ACVR2A: variants seen among roughly 807,000 people sequenced by gnomAD.
The protein encoded by ACVR2A is activin receptor type-2A.
A neutral mutation model predicts 61.4 loss-of-function variants in ACVR2A; 7 were observed. The ratio of observed to expected loss-of-function variants is 0.11; its 90% CI spans 0.06 to 0.21. The LOEUF is 0.21. ACVR2A is among the 10% of genes least tolerant of loss of function. The probability of loss-of-function intolerance (pLI) is 1.00; values close to 1 mark genes in which losing one functional copy is unlikely to be tolerated. For missense variants in ACVR2A, 322 were observed against 621.7 expected (o/e 0.52, Z 5.13); for synonymous variants, 193 against 208.3 (o/e 0.93, Z 0.63).
intron 4 of ACVR2A, among the ~76,000 whole-genome samples, chr2:147,912,941 T>G (rs1267783758): frequency 6.6e-6 from 1 of 151,902 alleles, no homozygotes; most frequent in African/African-American, 2.4e-5. Flanking sequence ...ATATTTGTTC[T>G]GGCTGTTACT....
chr2:147,919,489 T>C (rs906750798), intron 7 of ACVR2A, among the ~76,000 whole-genome samples: 1 of 152,182 alleles, frequency 6.6e-6, no homozygotes, highest in African/African-American at 2.4e-5. Flanking sequence ...TTTTATAGCA[T>C]TTGGGAGTGT....
At chr2:147,864,836 G>T (rs1008073800) in intron 1 of ACVR2A, among the ~76,000 whole-genome samples, 1 of 152,108 alleles carries the variant, frequency 6.6e-6, no homozygotes, top group African/African-American at 2.4e-5. Context: ...TCGTCTCATT[G>T]TGCCAGGTAC....
At chr2:147,903,117 C>G (rs1286068001) in intron 4 of ACVR2A, among the ~76,000 whole-genome samples, 1 of 151,798 alleles carries the variant, frequency 6.6e-6, no homozygotes, top group Non-Finnish European at 1.5e-5. Context: ...GTATTTTGTT[C>G]TGAAGAAGTG....
chr2:147,871,679 A>G (rs974274062), intron 1 of ACVR2A, among the ~76,000 whole-genome samples: 1 of 152,130 alleles, frequency 6.6e-6, no homozygotes, highest in African/African-American at 2.4e-5. Context: ...GGAATTGAGC[A>G]GATATATATT....
chr2:147,916,433 A>ATGAG (rs1687251025), intron 5 of ACVR2A, among the ~76,000 whole-genome samples: 3 of 151,928 alleles, frequency 2.0e-5, no homozygotes, highest in African/African-American at 7.2e-5. Context: ...TTTTACATAT[A>ATGAG]TGAGTACTCA....
chr2:147,883,227 G>C (rs1158193655), intron 1 of ACVR2A, among the ~76,000 whole-genome samples: 1 of 152,164 alleles, frequency 6.6e-6, no homozygotes, highest in Non-Finnish European at 1.5e-5. Context: ...TTTTGCTCTT[G>C]TTGCCCAGGC....
At chr2:147,865,167 G>T (rs1685822434) in intron 1 of ACVR2A, among the ~76,000 whole-genome samples, 1 of 152,122 alleles carries the variant, frequency 6.6e-6, no homozygotes, top group African/African-American at 2.4e-5. Flanking sequence ...AGGGATTGTG[G>T]CCCTCGTGTT....
intron 1 of ACVR2A, among the ~76,000 whole-genome samples, chr2:147,852,605 C>T (rs1001370395): frequency 2.6e-5 from 4 of 152,068 alleles, no homozygotes; most frequent in Admixed American, 6.5e-5. Flanking sequence ...TGGCTCTTCC[C>T]TGATTAAGGT....
Position 147,929,264 on chromosome 2 carries a change from C to G in ACVR2A, c.*1990C>G, listed in dbSNP as rs930798896. 1.3e-5 allele frequency: 2 copies of G among 151,864 alleles called. No homozygotes were observed. Among genetic ancestry groups the G allele is most frequent in the Non-Finnish European group, 2.9e-5 (2 of 67,914 alleles). The allele number at this position is 151,864 out of a possible 1,614,324, so 9.4% of individuals were successfully genotyped here. A position where few individuals can be genotyped will look rare whatever the true frequency, so the allele number is the denominator to read the frequency against. On this transcript the variant is annotated 3_prime_UTR_variant, in exon 11 of 11. Coordinates refer to ENST00000241416, the MANE Select transcript of ACVR2A (RefSeq NM_001616.5). ...CAATTTCTTGATCTGGTTTTGCTTC[C>G]ATTTAAAAACTAATCAAGAAGGGAA...
intron 4 of ACVR2A, among the ~76,000 whole-genome samples, chr2:147,907,309 ATGTGTC>A (rs1687010895): frequency 6.6e-6 from 1 of 152,110 alleles, no homozygotes; most frequent in African/African-American, 2.4e-5. Flanking sequence ...ATACGTGTGC[ATGTGTC>A]TTTATAATAG....
At chr2:147,879,039 A>G (rs1261352590) in intron 1 of ACVR2A, among the ~76,000 whole-genome samples, 1 of 152,228 alleles carries the variant, frequency 6.6e-6, no homozygotes, top group African/African-American at 2.4e-5. Flanking sequence ...ACCATATGGT[A>G]AATGTATGTT....
At chr2:147,921,064 C>T (rs908011344) in intron 8 of ACVR2A, among the ~76,000 whole-genome samples, 18 of 152,054 alleles carry the variant, frequency 1.2e-4, no homozygotes, top group East Asian at 3.9e-4. Flanking sequence ...GACAGAGTCT[C>T]GCTCTGTCAC....
rs528881915 is a variant in ACVR2A, at chr2:147,894,494, G to A, written c.56-1807G>A. Among the ~76,000 whole-genome samples the A allele has an allele frequency of 1.1e-4, 16 of 151,964 alleles. No individual in the cohort carries two copies. The South Asian group carries it at 3.3e-3, about 32-fold the overall frequency. On this transcript the variant is annotated intron_variant, in intron 1 of 10. Coordinates refer to ENST00000241416, the MANE Select transcript of ACVR2A (RefSeq NM_001616.5). The stretch of plus-strand genomic sequence containing the variant: ...TTGAGTGGATTTTTTTTTAACCCAT[G>A]AATACTTTTGTAATATCACAATTCA...
At chr2:147,925,124 G>A (rs1687472018) in intron 9 of ACVR2A, among the ~76,000 whole-genome samples, 1 of 151,980 alleles carries the variant, frequency 6.6e-6, no homozygotes, top group Non-Finnish European at 1.5e-5. Context: ...ACCTGTGTCT[G>A]TCAAAGGAAG....
intron 1 of ACVR2A, among the ~76,000 whole-genome samples, chr2:147,889,492 C>T (rs1264463571): frequency 6.6e-6 from 1 of 152,106 alleles, no homozygotes; most frequent in Non-Finnish European, 1.5e-5. Flanking sequence ...CGCCTGTAAT[C>T]CCAGCACTTT....
In ACVR2A at chr2:147,923,086, G is replaced by T. The variant is rs766707822; in HGVS notation, c.1191G>T (p.Leu397=). The T allele has an allele frequency of 6.2e-7, 1 of 1,612,556 alleles. No homozygotes were observed. Among genetic ancestry groups the T allele is most frequent in the South Asian group, 1.1e-5 (1 of 90,838 alleles). The change falls in exon 9 of 11, where the codon CTG becomes CTT. Residue 397 remains leucine (L), a synonymous_variant. Coordinates refer to ENST00000241416, the MANE Select transcript of ACVR2A (RefSeq NM_001616.5). ...MYAMGLVLWE[L]ASRCTAADGP... ...CCATGGGATTAGTCCTATGGGAACTGGCTTCTCGCTGTACTGCTGCAGATG... is the reference window on the plus strand; with the variant it reads ...CCATGGGATTAGTCCTATGGGAACTTGCTTCTCGCTGTACTGCTGCAGATG...
chr2:147,869,229 C>T (rs954565484), intron 1 of ACVR2A, among the ~76,000 whole-genome samples: 1 of 152,024 alleles, frequency 6.6e-6, no homozygotes, highest in Admixed American at 6.6e-5. Flanking sequence ...TGGTAACTTG[C>T]TGTTCAGAAT....
chr2:147,925,786 A>G (rs922348729), intron 9 of ACVR2A: 2 of 394,402 alleles, frequency 5.1e-6, no homozygotes, highest in East Asian at 8.3e-5. Context: ...TTATACCTAG[A>G]TAAGAAAGCC....
chr2:147,866,264 C>A (rs549255777), intron 1 of ACVR2A, among the ~76,000 whole-genome samples: 1 of 152,288 alleles, frequency 6.6e-6, no homozygotes, highest in South Asian at 2.1e-4. Flanking sequence ...TTGTCCTTTT[C>A]AGTGATACCT....
Sources: gnomAD v4.1 joint callset for allele counts (sites outside exome capture counted in the v4.1 genomes callset) on GRCh38, gnomAD v4.1.1 for gene constraint, MANE v1.5 for transcripts, NCBI Gene and HGNC (gene_info 2026-07-23, HGNC 2026-07-21) for gene names.